The following ZDHHC21 variants were observed in gnomAD, a reference collection of about 807,000 sequenced individuals.
ZDHHC21 encodes palmitoyltransferase ZDHHC21.
ZDHHC21 carries 15 observed loss-of-function variants against 34.6 expected under a neutral mutation model. That is an observed-to-expected ratio of 0.43 (90% CI 0.29 to 0.67). The LOEUF (loss-of-function observed/expected upper bound fraction) is 0.67, where lower values mean the gene tolerates loss of function less well. ZDHHC21 is among the 30% of genes least tolerant of loss of function. ZDHHC21 has a pLI of 0.14. For missense variants in ZDHHC21, 344 were observed against 327.7 expected, an observed-to-expected ratio of 1.05 and a Z score of -0.38; for synonymous variants, 142 against 101.8, an observed-to-expected ratio of 1.40 and a Z score of -2.38.
At chr9:14,655,219 C>T (rs979395812) in intron 7 of ZDHHC21, among the ~76,000 whole-genome samples, 1 of 151,910 alleles carries the variant, frequency 6.6e-6, no homozygotes, top group Non-Finnish European at 1.5e-5. Flanking sequence ...CTTTTAAAAA[C>T]TGAACGAAAG....
chr9:14,615,849 T>C lies in ZDHHC21; in HGVS notation c.*3117A>G, dbSNP rs930787413. ...AACATGCTTTAACATACATTTTGCT[T>C]AAAATCAAATAGAATGTTTATAAAG... is the stretch of plus-strand genomic sequence containing the variant. On this transcript the variant is annotated 3_prime_UTR_variant, in exon 10 of 10. Coordinates refer to ENST00000380916, the MANE Select transcript of ZDHHC21 (RefSeq NM_178566.6). The C allele has an allele frequency of 9.9e-5, 15 of 151,714 alleles. No individual in the cohort carries two copies. The highest frequency in any genetic ancestry group is 4.4e-5 in the Non-Finnish European group (3 of 67,716). The allele number at this position is 151,714 out of a possible 1,614,324, so 9.4% of individuals were successfully genotyped here. A position where few individuals can be genotyped will look rare whatever the true frequency, so the allele number is the denominator to read the frequency against.
intron 7 of ZDHHC21, among the ~76,000 whole-genome samples, chr9:14,649,608 A>C (rs1830864346): frequency 6.6e-6 from 1 of 152,184 alleles, no homozygotes; most frequent in Non-Finnish European, 1.5e-5. Flanking sequence ...TTACATCCTA[A>C]TGGCAATTAA....
At chr9:14,597,583 C>T in the ZDHHC21 span, among the ~76,000 whole-genome samples, 5 of 152,150 alleles carry the variant, frequency 3.3e-5, no homozygotes, top group African/African-American at 9.7e-5. Flanking sequence ...CCCAGTGCCA[C>T]GCAGAGGCCT....
At chr9:14,655,043 C>T (rs182606934) in intron 7 of ZDHHC21, among the ~76,000 whole-genome samples, 98 of 151,982 alleles carry the variant, frequency 6.4e-4, no homozygotes, top group Middle Eastern at 6.8e-3. Context: ...GCAAAGAAAA[C>T]AATACCAAAG....
chr9:14,619,005 T>A lies in ZDHHC21; in HGVS notation c.759A>T (p.Gln253His). The A allele has an allele frequency of 6.2e-7, 1 of 1,611,764 alleles. No individual in the cohort carries two copies. The highest frequency in any genetic ancestry group is 8.5e-7 in the Non-Finnish European group (1 of 1,178,722). ...ILWFIPFRQR[Q>H]PLRVPYHFAN... ...CAAAGTGGTAGGGAACTCGCAGTGG[T>A]TGCCTCTGCCTGAAAGGAATGAACC... is the stretch of plus-strand genomic sequence containing the variant. Residue 253 changes from glutamine to histidine, a missense_variant, in exon 10 of 10, where the codon CAA becomes CAT. Gln to His is a conservative substitution (Grantham distance 24, BLOSUM62 0). Transcript: ENST00000380916.
chr9:14,643,152 G>A (rs1829673906), intron 7 of ZDHHC21, among the ~76,000 whole-genome samples: 1 of 152,186 alleles, frequency 6.6e-6, no homozygotes, highest in African/African-American at 2.4e-5. Flanking sequence ...CGGGGCTGAG[G>A]CAGGAGGATC....
intron 8 of ZDHHC21, among the ~76,000 whole-genome samples, chr9:14,634,924 C>G (rs1359265754): frequency 6.6e-6 from 1 of 151,796 alleles, no homozygotes; most frequent in Admixed American, 6.6e-5. Context: ...AAAGATAATA[C>G]AGAAAATATG....
chr9:14,683,182 G>A (rs910715223), intron 2 of ZDHHC21, among the ~76,000 whole-genome samples: 4 of 151,986 alleles, frequency 2.6e-5, no homozygotes, highest in Admixed American at 6.6e-5. Context: ...AAATAACTAA[G>A]ATCAAAGCAG....
intron 1 of ZDHHC21, among the ~76,000 whole-genome samples, chr9:14,692,003 T>C (rs552762087): frequency 6.6e-6 from 1 of 152,182 alleles, no homozygotes; most frequent in East Asian, 1.9e-4. Context: ...CACAGCTGGA[T>C]AGTGACAGAA....
chr9:14,630,091 T>G (rs926043194), intron 8 of ZDHHC21, among the ~76,000 whole-genome samples: 2 of 152,132 alleles, frequency 1.3e-5, no homozygotes, highest in Admixed American at 1.3e-4. Context: ...GCTGCATAGG[T>G]TGACTCTTCC....
chr9:14,636,572 A>AAAACATT (rs1203098948), intron 8 of ZDHHC21, among the ~76,000 whole-genome samples: 5 of 152,172 alleles, frequency 3.3e-5, no homozygotes, highest in Admixed American at 6.5e-5. Context: ...AGATATTTAC[A>AAAACATT]AAACATTTCA....
At chr9:14,662,144 G>A (rs1391550314) in intron 6 of ZDHHC21, 71 bp downstream of exon 6, 4 of 1,072,530 alleles carry the variant, frequency 3.7e-6, no homozygotes, top group East Asian at 5.1e-5. Context: ...GTTGTTTAAA[G>A]CTGCCAAGTT....
At chr9:14,638,301 T>C (rs987650488) in intron 8 of ZDHHC21, among the ~76,000 whole-genome samples, 4 of 151,952 alleles carry the variant, frequency 2.6e-5, no homozygotes, top group Non-Finnish European at 5.9e-5. Flanking sequence ...GTCTTTTGAA[T>C]ACATGAGAAG....
At chr9:14,619,784 T>C (rs1824958697) in intron 8 of ZDHHC21, 102 bp from the exon 9 acceptor site, 4 of 680,016 alleles carry the variant, frequency 5.9e-6, no homozygotes, top group Non-Finnish European at 4.3e-6. Flanking sequence ...AAATATTCTA[T>C]AGATTTAAAC....
intron 5 of ZDHHC21, among the ~76,000 whole-genome samples, chr9:14,670,903 T>C (rs181425274): frequency 6.6e-6 from 1 of 152,108 alleles, no homozygotes; most frequent in Non-Finnish European, 1.5e-5. Context: ...AAGCCTTTCT[T>C]AGTCATTTCC....
At position 14,632,145 on chromosome 9, in the gene ZDHHC21, A is replaced by G. The variant is rs1028218077; in HGVS notation, c.621+7751T>C. Among the ~76,000 whole-genome samples the G allele has an allele frequency of 8.5e-5, 13 of 152,126 alleles. No homozygotes were observed. The East Asian group carries it at 2.3e-3, about 27-fold the overall frequency. On this transcript the variant is annotated intron_variant, in intron 8 of 9. Transcript: ENST00000380916. ...CCTGTATAGCATATATACTGTGGAT[A>G]AGAAATTAAGTGTTTATCAGAATAT... is the stretch of plus-strand genomic sequence containing the variant.
rs981494568 is a variant in ZDHHC21 at position 14,611,567 on chromosome 9, T to A, written c.*7399A>T. ...CAAATTTAAAAACAGGATCTTCTTATGCCACTTGTAACATACCACTATTAA... is the reference window on the plus strand; with the variant it reads ...CAAATTTAAAAACAGGATCTTCTTAAGCCACTTGTAACATACCACTATTAA... On this transcript the variant is annotated 3_prime_UTR_variant, in exon 10 of 10. Coordinates refer to ENST00000380916, the MANE Select transcript of ZDHHC21 (RefSeq NM_178566.6). The A allele has an allele frequency of 6.6e-6, 1 of 152,092 alleles. No individual in the cohort carries two copies. The highest frequency in any genetic ancestry group is 1.5e-5 in the Non-Finnish European group (1 of 67,980). 9.4% of individuals were successfully genotyped at this position (152,092 alleles called of 1,614,324 possible). A position where few individuals can be genotyped will look rare whatever the true frequency, so the allele number is the denominator to read the frequency against.
chr9:14,687,585 C>A (rs1246446442), intron 2 of ZDHHC21, among the ~76,000 whole-genome samples: 2 of 150,700 alleles, frequency 1.3e-5, no homozygotes, highest in Non-Finnish European at 2.9e-5. Flanking sequence ...GCACGAGAAT[C>A]GCTTGAAGCT....
chr9:14,602,216 A>G, the ZDHHC21 span, among the ~76,000 whole-genome samples: 11 of 152,174 alleles, frequency 7.2e-5, no homozygotes, highest in East Asian at 2.1e-3. Context: ...AAAAAAATTC[A>G]ATAGAGAGCT....
Sources: gnomAD v4.1 joint callset for allele counts (sites outside exome capture counted in the v4.1 genomes callset) on GRCh38, gnomAD v4.1.1 for gene constraint, MANE v1.5 for transcripts, NCBI Gene and HGNC (gene_info 2026-07-23, HGNC 2026-07-21) for gene names.